Variants in NRXN1 observed in about 807,000 individuals in gnomAD.
NRXN1 encodes the protein neurexin-1.
NRXN1 carries 39 observed loss-of-function variants against 150.9 expected under a neutral mutation model. That is an observed-to-expected ratio of 0.26 (90% CI 0.20 to 0.34). NRXN1 has a LOEUF of 0.34. NRXN1 is among the 10% of genes least tolerant of loss of function. The probability of loss-of-function intolerance (pLI) is 1.00; values close to 1 mark genes in which losing one functional copy is unlikely to be tolerated. For missense variants in NRXN1, 1,815 were observed against 1,949.9 expected (o/e 0.93, Z 1.30); for synonymous variants, 924 against 757.0 (o/e 1.22, Z -3.62).
intron 5 of NRXN1, among the ~76,000 whole-genome samples, chr2:50,708,344 T>C (rs1391717350): frequency 3.9e-5 from 6 of 152,218 alleles, no homozygotes; most frequent in African/African-American, 9.6e-5. Context: ...GTTAACTGAA[T>C]TGTCAATTTT....
intron 5 of NRXN1, among the ~76,000 whole-genome samples, chr2:50,685,658 G>A (rs1691119468): frequency 6.6e-6 from 1 of 152,036 alleles, no homozygotes; most frequent in African/African-American, 2.4e-5. Flanking sequence ...GCAGTCTCTA[G>A]TCTCTTCTCT....
chr2:50,854,819 C>T (rs1287444626), intron 5 of NRXN1, among the ~76,000 whole-genome samples: 1 of 152,054 alleles, frequency 6.6e-6, no homozygotes, highest in African/African-American at 2.4e-5. Flanking sequence ...ATTTTCATAA[C>T]TATAAATTAC....
At chr2:50,453,428 G>T (rs1345514370) in intron 17 of NRXN1, among the ~76,000 whole-genome samples, 1 of 152,088 alleles carries the variant, frequency 6.6e-6, no homozygotes, top group East Asian at 1.9e-4. Flanking sequence ...GATTCAGGTA[G>T]ACAAATTCTA....
In NRXN1 at chr2:50,531,385, T is replaced by C. The variant is rs1188436441; in HGVS notation, c.2189A>G (p.Gln730Arg). 6.2e-7 allele frequency: 1 copy of C among 1,612,576 alleles called. No individual in the cohort carries two copies. Among genetic ancestry groups the C allele is most frequent in the East Asian group, 2.2e-5 (1 of 44,802 alleles). Residue 730 changes from glutamine (Q) to arginine (R), a missense_variant, in exon 11 of 23, where the codon CAG becomes CGG. Gln to Arg is a conservative substitution (Grantham distance 43, BLOSUM62 1). Coordinates refer to ENST00000401669, the MANE Select transcript of NRXN1 (RefSeq NM_001330078.2). ...CTCCGTATGCATGACTACGGGGAGC[T>C]GAATTTTCATAAACATGCTCCCATC... ...SYDGSMFMKI[Q>R]LPVVMHTEAE...
intron 18 of NRXN1, among the ~76,000 whole-genome samples, chr2:50,218,490 C>CTTTTTTTTTT (rs34919769): frequency 1.0e-4 from 14 of 136,758 alleles, no homozygotes; most frequent in Non-Finnish European, 1.3e-4. Context: ...TTAGCACCTT[C>CTTTTTTTTTT]TTTTTTTTTT....
intron 17 of NRXN1, among the ~76,000 whole-genome samples, chr2:50,307,905 GA>G (rs2074784853): frequency 6.6e-6 from 1 of 152,164 alleles, no homozygotes; most frequent in South Asian, 2.1e-4. Context: ...AAACCAAGAA[GA>G]AATAATTTCA....
intron 21 of NRXN1, among the ~76,000 whole-genome samples, chr2:50,034,197 G>A (rs1243198861): frequency 1.3e-5 from 2 of 152,056 alleles, no homozygotes; most frequent in African/African-American, 4.8e-5. Context: ...GCACACATAT[G>A]TTCATTGCAG....
At chr2:50,220,956 A>G (rs1288565831) in intron 18 of NRXN1, among the ~76,000 whole-genome samples, 1 of 152,032 alleles carries the variant, frequency 6.6e-6, no homozygotes, top group Non-Finnish European at 1.5e-5. Flanking sequence ...CATATAACTG[A>G]TACTTGCCGA....
At chr2:50,380,382 G>A (rs545751312) in intron 17 of NRXN1, among the ~76,000 whole-genome samples, 2 of 151,950 alleles carry the variant, frequency 1.3e-5, no homozygotes, top group African/African-American at 4.8e-5. Flanking sequence ...TATCTTAACT[G>A]TCAAAATGGT....
intron 17 of NRXN1, among the ~76,000 whole-genome samples, chr2:50,335,957 G>A (rs967765610): frequency 4.0e-5 from 6 of 151,782 alleles, no homozygotes; most frequent in Non-Finnish European, 7.4e-5. Context: ...CACTTGAGGG[G>A]CAGCAGCAAT....
intron 17 of NRXN1, among the ~76,000 whole-genome samples, chr2:50,452,313 G>A (rs1182571432): frequency 6.6e-6 from 1 of 152,136 alleles, no homozygotes; most frequent in Non-Finnish European, 1.5e-5. Flanking sequence ...TCCTAGAAGA[G>A]CCTTAAACAT....
At chr2:50,737,787 A>G (rs181049655) in intron 5 of NRXN1, among the ~76,000 whole-genome samples, 1 of 152,306 alleles carries the variant, frequency 6.6e-6, no homozygotes, top group Non-Finnish European at 1.5e-5. Flanking sequence ...TCGTTTATGA[A>G]TATGACCGAA....
intron 15 of NRXN1, among the ~76,000 whole-genome samples, chr2:50,489,986 T>C (rs532259225): frequency 1.3e-5 from 2 of 152,270 alleles, no homozygotes; most frequent in Middle Eastern, 3.4e-3. Context: ...GGAGAACAGA[T>C]TGAGACAAAT....
intron 17 of NRXN1, among the ~76,000 whole-genome samples, chr2:50,444,880 ATTG>A (rs1241504119): frequency 6.6e-6 from 1 of 152,068 alleles, no homozygotes; most frequent in Non-Finnish European, 1.5e-5. Flanking sequence ...CATTATTCAG[ATTG>A]TTTTTTTCAA....
intron 2 of NRXN1, among the ~76,000 whole-genome samples, chr2:51,004,141 T>C (rs1700414341): frequency 6.6e-6 from 1 of 151,742 alleles, no homozygotes; most frequent in Non-Finnish European, 1.5e-5. Context: ...AACCCCAAGT[T>C]TGGGGTCTAG....
Position 50,235,975 on chromosome 2 carries a change from T to C in NRXN1, c.3546+814A>G, listed in dbSNP as rs149523653. Among the ~76,000 whole-genome samples the C allele has an allele frequency of 3.4e-3, 516 of 152,178 alleles. 1 individual carries two copies. Among genetic ancestry groups the C allele is most frequent in the Non-Finnish European group, 5.3e-3 (357 of 67,984 alleles). On this transcript the variant is annotated intron_variant, in intron 18 of 22. Coordinates refer to ENST00000401669, the MANE Select transcript of NRXN1 (RefSeq NM_001330078.2). ...ATTCATATCTCTTAATAAAAGACAC[T>C]GTGCTTCTTTACAAATAATGCAAGA... is the stretch of plus-strand genomic sequence containing the variant.
At chr2:50,483,789 A>C (rs2090660134) in intron 15 of NRXN1, among the ~76,000 whole-genome samples, 1 of 152,232 alleles carries the variant, frequency 6.6e-6, no homozygotes, top group Non-Finnish European at 1.5e-5. Flanking sequence ...GAATAGATAG[A>C]GGAGTTTAGA....
chr2:50,248,889 G>A (rs1391989507), intron 17 of NRXN1, among the ~76,000 whole-genome samples: 4 of 151,970 alleles, frequency 2.6e-5, no homozygotes, highest in Non-Finnish European at 5.9e-5. Flanking sequence ...ACTCACACCT[G>A]TAATCCCAGC....
chr2:50,501,097 A>T lies in NRXN1; in HGVS notation c.2498-3383T>A, dbSNP rs181523977. On this transcript the variant is annotated intron_variant, in intron 13 of 22. Coordinates refer to ENST00000401669, the MANE Select transcript of NRXN1 (RefSeq NM_001330078.2). ...GTGTTGGTAAATGTGAAATGGAAGA[A>T]GATGCCAGGTTTGATATTTAAGCTA... 7.2e-3 allele frequency among the ~76,000 whole-genome samples: 1,096 copies of T among 152,364 alleles called. 28 individuals carry two copies. The highest frequency in any genetic ancestry group is 0.052 in the Admixed American group (789 of 15,300).
Sources: gnomAD v4.1 joint callset for allele counts (sites outside exome capture counted in the v4.1 genomes callset) on GRCh38, gnomAD v4.1.1 for gene constraint, MANE v1.5 for transcripts, NCBI Gene and HGNC (gene_info 2026-07-23, HGNC 2026-07-21) for gene names.